USP3: variants seen among roughly 807,000 people sequenced by gnomAD.
USP3 encodes ubiquitin carboxyl-terminal hydrolase 3.
A neutral mutation model predicts 72.3 loss-of-function variants in USP3; 20 were observed. The observed-to-expected ratio is 0.28, with a 90% CI of 0.19 to 0.40. The LOEUF (loss-of-function observed/expected upper bound fraction) is 0.40, where lower values mean the gene tolerates loss of function less well. Among genes scored for constraint, USP3 ranks in the 10% least tolerant of loss-of-function variants. The pLI is 1.00. For synonymous variants in USP3, 222 were observed against 225.3 expected (o/e 0.99, Z 0.13); for missense variants, 479 against 633.9 (o/e 0.76, Z 2.62).
intron 8 of USP3, among the ~76,000 whole-genome samples, chr15:63,566,767 T>C (rs2066698104): frequency 6.6e-6 from 1 of 152,268 alleles, no homozygotes; most frequent in Non-Finnish European, 1.5e-5. Flanking sequence ...TTGTAAACAC[T>C]AATTCATTTT....
Position 63,553,906 on chromosome 15 carries a change from T to C in USP3, c.368+108T>C, listed in dbSNP as rs1423937809. On this transcript the variant is annotated intron_variant, in intron 4 of 14. Transcript: ENST00000380324. The surrounding 1 kb of genome is among the most constrained non-coding windows in gnomAD (Gnocchi z 4.2). The stretch of plus-strand genomic sequence containing the variant: ...GATGAGTTTAATAACTTCATGTTTA[T>C]AATATGATTGAAATGTTAATAAAAT... The C allele has an allele frequency of 8.9e-6, 7 of 788,878 alleles. No individual in the cohort carries two copies. Among genetic ancestry groups the C allele is most frequent in the Non-Finnish European group, 1.4e-5 (7 of 517,166 alleles). 48.9% of individuals were successfully genotyped at this position (788,878 alleles called of 1,614,324 possible). A position where few individuals can be genotyped will look rare whatever the true frequency, so the allele number is the denominator to read the frequency against.
chr15:63,575,174 T>G (rs951289748), intron 11 of USP3, among the ~76,000 whole-genome samples: 1 of 151,572 alleles, frequency 6.6e-6, no homozygotes, highest in Non-Finnish European at 1.5e-5. Flanking sequence ...TTTTTTTTTT[T>G]TTTTTACAAA....
chr15:63,562,032 G>A (rs1205340797), intron 7 of USP3, among the ~76,000 whole-genome samples: 2 of 152,046 alleles, frequency 1.3e-5, no homozygotes, highest in African/African-American at 2.4e-5. Context: ...CAAAGCCATC[G>A]GGCTCCTCCT....
At chr15:63,554,426 G>A (rs184406856) in intron 4 of USP3, among the ~76,000 whole-genome samples, 21 of 152,292 alleles carry the variant, frequency 1.4e-4, no homozygotes, top group African/African-American at 4.3e-4. Context: ...CACTGGACCC[G>A]AAATTGAAGC....
chr15:63,508,379 T>C (rs1482847784), intron 1 of USP3, among the ~76,000 whole-genome samples: 1 of 152,204 alleles, frequency 6.6e-6, no homozygotes, highest in Non-Finnish European at 1.5e-5. Context: ...GCATGGGCTC[T>C]AGTAGTCCTT....
chr15:63,570,721 C>A lies in USP3; in HGVS notation c.908+142C>A. On this transcript the variant is annotated intron_variant, in intron 9 of 14. Transcript: ENST00000380324. The surrounding 1 kb of genome is among the most constrained non-coding windows in gnomAD (Gnocchi z 4.4). ...TTTCGTGCCCTTGAACTTTGTGACC[C>A]AGTGAACTAGCACATACCTCTTGCT... is the stretch of plus-strand genomic sequence containing the variant. The A allele has an allele frequency of 8.3e-7, 1 of 1,202,758 alleles. No homozygotes were observed. Among genetic ancestry groups the A allele is most frequent in the Non-Finnish European group, 1.1e-6 (1 of 874,956 alleles). 74.5% of individuals were successfully genotyped at this position (1,202,758 alleles called of 1,614,324 possible).
At chr15:63,561,328 G>A (rs115580809) in intron 7 of USP3, among the ~76,000 whole-genome samples, 85 of 152,326 alleles carry the variant, frequency 5.6e-4, no homozygotes, top group African/African-American at 2.0e-3. Flanking sequence ...AGGCAGCAAA[G>A]GAATTTACTG....
chr15:63,506,564 A>T (rs1468649737), intron 1 of USP3, among the ~76,000 whole-genome samples: 2 of 152,228 alleles, frequency 1.3e-5, no homozygotes, highest in Non-Finnish European at 2.9e-5. Flanking sequence ...AATGGAAAAG[A>T]ACTGTGCAAG....
At position 63,553,752 on chromosome 15, in the gene USP3, C is replaced by T. The variant is rs2066467784; in HGVS notation, c.322C>T (p.Leu108=). ...CDDFVVNDTK[L]GLVQKVREHL... is the part of the protein sequence containing the mutation. ...TGATTTTGTGGTTAATGACACCAAG[C>T]TGGGACTGGTACAGAAAGTCAGAGA... Residue 108 remains leucine (L), a synonymous_variant, in exon 4 of 15, where the codon CTG becomes TTG. Coordinates refer to ENST00000380324, the MANE Select transcript of USP3 (RefSeq NM_006537.4). This position sits in a 1 kb window ranked among gnomAD's most constrained non-coding sequence, Gnocchi z 4.2. The T allele has an allele frequency of 1.2e-6, 2 of 1,613,044 alleles. No individual in the cohort carries two copies. Among genetic ancestry groups the T allele is most frequent in the Non-Finnish European group, 8.5e-7 (1 of 1,179,424 alleles).
At position 63,593,053 on chromosome 15, in the gene USP3, C is replaced by T. The variant is rs1466054281; in HGVS notation, c.*2227C>T. 6.6e-6 allele frequency: 1 copy of T among 152,182 alleles called. No individual in the cohort carries two copies. Among genetic ancestry groups the T allele is most frequent in the East Asian group, 1.9e-4 (1 of 5,206 alleles). The allele number at this position is 152,182 out of a possible 1,614,324, so 9.4% of individuals were successfully genotyped here. A position where few individuals can be genotyped will look rare whatever the true frequency, so the allele number is the denominator to read the frequency against. ...TAGCCACATTTCAAGTGCTCAGCAC[C>T]CACATACGGCGTAGGACAATGCTGG... On this transcript the variant is annotated 3_prime_UTR_variant, in exon 15 of 15. Transcript: ENST00000380324.
At chr15:63,571,219 G>A (rs1290117753) in intron 9 of USP3, among the ~76,000 whole-genome samples, 1 of 152,122 alleles carries the variant, frequency 6.6e-6, no homozygotes, top group African/African-American at 2.4e-5. Flanking sequence ...AGCCTCCTTT[G>A]TTCAAATGTT....
Position 63,558,090 on chromosome 15 carries a change from C to G in USP3, c.451-16C>G. 2 of 1,614,088 alleles carry G rather than the reference C, an allele frequency of 1.2e-6. No homozygotes were observed. Among genetic ancestry groups the G allele is most frequent in the Non-Finnish European group, 1.7e-6 (2 of 1,179,970 alleles). The stretch of plus-strand genomic sequence containing the variant: ...CCCTTGGCATTACTGATGGCCTCTT[C>G]TTGCACCACTTACAGGGAAGCACCA... On this transcript the variant is annotated splice_polypyrimidine_tract_variant and intron_variant, in intron 5 of 14. Transcript: ENST00000380324.
chr15:63,509,925 A>G (rs1469041819), intron 1 of USP3, among the ~76,000 whole-genome samples: 1 of 152,224 alleles, frequency 6.6e-6, no homozygotes, highest in Admixed American at 6.5e-5. Flanking sequence ...AATATGCTTA[A>G]TAGTGTATAC....
intron 3 of USP3, among the ~76,000 whole-genome samples, chr15:63,548,942 C>G (rs1174690565): frequency 6.6e-6 from 1 of 152,140 alleles, no homozygotes; most frequent in East Asian, 1.9e-4. Flanking sequence ...CAGGTAGTAT[C>G]TTAGATTCCC....
In USP3 at chr15:63,544,874, ATACTT is replaced by A. The variant is rs796215771; in HGVS notation, c.284+7719_284+7723del. On this transcript the variant is annotated intron_variant, in intron 3 of 14. Coordinates refer to ENST00000380324, the MANE Select transcript of USP3 (RefSeq NM_006537.4). The surrounding 1 kb of genome is among the most constrained non-coding windows in gnomAD (Gnocchi z 4.2). Reference sequence around the variant, plus strand: ...GACATTGTGGGGACCATCAAATACTATACTTAGTTCAGTTACAGATAGCTATGGAA... The same window carrying A: ...GACATTGTGGGGACCATCAAATACTAAGTTCAGTTACAGATAGCTATGGAA... 21 of 580,718 alleles carry A rather than the reference ATACTT, an allele frequency of 3.6e-5. No individual in the cohort carries two copies. The Middle Eastern group carries it at 1.8e-3, about 51-fold the overall frequency. 36.0% of individuals were successfully genotyped at this position (580,718 alleles called of 1,614,324 possible). A position where few individuals can be genotyped will look rare whatever the true frequency, so the allele number is the denominator to read the frequency against.
chr15:63,511,681 T>C (rs1747716344), intron 1 of USP3, among the ~76,000 whole-genome samples: 1 of 152,230 alleles, frequency 6.6e-6, no homozygotes, highest in South Asian at 2.1e-4. Flanking sequence ...GTTTCAGTTA[T>C]TGAAGTCTCT....
At position 63,553,602 on chromosome 15, in the gene USP3, T is replaced by A; in HGVS notation, c.285-113T>A. On this transcript the variant is annotated intron_variant, in intron 3 of 14. Transcript: ENST00000380324. This position sits in a 1 kb window ranked among gnomAD's most constrained non-coding sequence, Gnocchi z 4.2. ...TCCTCTTTAAACTTACCACCAGCAG[T>A]AACTGCCTGCAGAGCCATGTGATCA... The A allele has an allele frequency of 2.4e-6, 2 of 831,836 alleles. No individual in the cohort carries two copies. Among genetic ancestry groups the A allele is most frequent in the Non-Finnish European group, 3.5e-6 (2 of 578,848 alleles). The allele number at this position is 831,836 out of a possible 1,614,324, so 51.5% of individuals were successfully genotyped here.
Position 63,588,700 on chromosome 15 carries a change from A to C in USP3, c.1216-2A>C. The C allele has an allele frequency of 6.2e-7, 1 of 1,605,436 alleles. No homozygotes were observed. The highest frequency in any genetic ancestry group is 8.5e-7 in the Non-Finnish European group (1 of 1,172,718). On this transcript the variant is annotated splice_acceptor_variant, in intron 12 of 14. Transcript: ENST00000380324. LOFTEE classifies it high-confidence loss of function. This position sits in a 1 kb window ranked among gnomAD's most constrained non-coding sequence, Gnocchi z 4.6. ...ATCTTTGACCGCATCTCTGTCCTCC[A>C]GGTGCTATGCTTACATTTGAAAAGA...
rs973031914 is a variant in USP3 at position 63,513,158 on chromosome 15, C to T, written c.91+8328C>T. ...TTGTTCTAGCTGGGTTTAAGACAGC[C>T]TTCTTTGTAGAAATTGTTGGCCTGT... On this transcript the variant is annotated intron_variant, in intron 1 of 14. Transcript: ENST00000380324. 2.0e-5 allele frequency among the ~76,000 whole-genome samples: 3 copies of T among 152,178 alleles called. No individual in the cohort carries two copies. In the South Asian group the frequency reaches 6.2e-4, roughly 31 times the overall value.
Sources: gnomAD v4.1 joint callset for allele counts (sites outside exome capture counted in the v4.1 genomes callset) on GRCh38, gnomAD v4.1.1 for gene constraint, Gnocchi (gnomAD v3.1) non-coding constraint, MANE v1.5 for transcripts, NCBI Gene and HGNC (gene_info 2026-07-23, HGNC 2026-07-21) for gene names.